KLHL13: variants seen among roughly 807,000 people sequenced by gnomAD.
KLHL13 encodes the protein kelch like family member 13, also known as kelch-like protein 13.
KLHL13 carries 10 observed loss-of-function variants against 37.1 expected under a neutral mutation model. That is an observed-to-expected ratio of 0.27 (90% CI 0.17 to 0.46). The LOEUF is 0.46. KLHL13 is among the 20% of genes least tolerant of loss of function. The probability of loss-of-function intolerance (pLI) is 1.00; values close to 1 mark genes in which losing one functional copy is unlikely to be tolerated. For synonymous variants in KLHL13, 163 were observed against 181.2 expected (o/e 0.90, Z 0.81); for missense variants, 360 against 509.3 (o/e 0.71, Z 2.82).
intron 5 of KLHL13, among the ~76,000 whole-genome samples, chrX:117,906,322 C>G (rs915043587): frequency 1.8e-5 from 2 of 111,558 alleles, no homozygotes; most frequent in East Asian, 5.6e-4. Flanking sequence ...GAAATGCCAA[C>G]TAACACAAAT....
chrX:118,076,063 T>C (rs911051166), intron 1 of KLHL13, among the ~76,000 whole-genome samples: 2 of 111,819 alleles, frequency 1.8e-5, no homozygotes, highest in Admixed American at 9.5e-5. Context: ...TTATGTTTAT[T>C]TGAGCACTAG....
intron 1 of KLHL13, among the ~76,000 whole-genome samples, chrX:118,076,099 T>C (rs1445323685): frequency 8.9e-6 from 1 of 111,855 alleles, no homozygotes; most frequent in Non-Finnish European, 1.9e-5. Context: ...TGATTATTAA[T>C]ATTTATAATT....
intron 1 of KLHL13, among the ~76,000 whole-genome samples, chrX:118,081,181 C>T (rs771239675): frequency 3.6e-5 from 4 of 111,190 alleles, no homozygotes; most frequent in African/African-American, 1.3e-4. Flanking sequence ...TACCTGAGTG[C>T]GATATACCCA....
At position 117,951,682 on chromosome X, in the gene KLHL13, CAT is replaced by C. The variant is rs200257694; in HGVS notation, c.99-6109_99-6108del. Among the ~76,000 whole-genome samples the C allele has an allele frequency of 7.1e-3, 798 of 112,099 alleles. 1 individual carries two copies. Among genetic ancestry groups the C allele is most frequent in the Non-Finnish European group, 0.012 (617 of 53,156 alleles). ...AGCTATTGCACAGGCTTCTTATATG[CAT>C]ATGTCTGTCACATTTAAAATAGAAC... On this transcript the variant is annotated intron_variant, in intron 1 of 6. Transcript: ENST00000262820.
chrX:117,998,617 A>G lies in KLHL13; in HGVS notation c.-55-53042T>C, dbSNP rs73637167. On this transcript the variant is annotated intron_variant, in intron 1 of 6. Transcript: ENST00000371882. Reference sequence around the variant, plus strand: ...TTGGAGAGGGCACAGCCACAGCACAATGAAGGGTAGAGAAGCTGCTGTGGT... The same window carrying G: ...TTGGAGAGGGCACAGCCACAGCACAGTGAAGGGTAGAGAAGCTGCTGTGGT... Among the ~76,000 whole-genome samples the G allele has an allele frequency of 5.8e-3, 645 of 111,474 alleles. 7 individuals carry two copies. The highest frequency in any genetic ancestry group is 0.02 in the African/African-American group (622 of 30,722).
At chrX:118,103,360 A>C (rs954968328) in intron 1 of KLHL13, among the ~76,000 whole-genome samples, 10 of 112,049 alleles carry the variant, frequency 8.9e-5, no homozygotes, top group Non-Finnish European at 1.5e-4. Flanking sequence ...CTATGCAAAT[A>C]AAAACTTTAC....
intron 1 of KLHL13, among the ~76,000 whole-genome samples, chrX:118,031,919 C>A (rs1001303942): frequency 4.5e-5 from 5 of 109,920 alleles, no homozygotes; most frequent in African/African-American, 9.9e-5. Context: ...CAAGACATTG[C>A]CTCACTCAGG....
chrX:118,081,535 T>G (rs752024003), intron 1 of KLHL13, among the ~76,000 whole-genome samples: 1 of 112,163 alleles, frequency 8.9e-6, no homozygotes, highest in African/African-American at 3.2e-5. Context: ...TAATGTGCAG[T>G]GTTCAAATCT....
At chrX:117,945,630 A>C in intron 1 of KLHL13, 55 bp from the exon 3 acceptor site, 1 of 1,027,454 alleles carries the variant, frequency 9.7e-7, no homozygotes, top group Non-Finnish European at 1.3e-6. Context: ...TACAATTTAC[A>C]ATGAGATTAT....
intron 1 of KLHL13, among the ~76,000 whole-genome samples, chrX:117,955,035 T>C (rs1253125972): frequency 1.8e-5 from 2 of 112,168 alleles, no homozygotes; most frequent in Non-Finnish European, 3.8e-5. Flanking sequence ...TTTGCTAAGG[T>C]GCATTAAAAT....
At chrX:118,062,198 T>C (rs2054749882) in intron 1 of KLHL13, among the ~76,000 whole-genome samples, 3 of 111,262 alleles carry the variant, frequency 2.7e-5, no homozygotes, top group African/African-American at 6.5e-5. Flanking sequence ...TATCACAATA[T>C]AGGAAATTAC....
intron 1 of KLHL13, among the ~76,000 whole-genome samples, chrX:117,988,950 G>A (rs773025832): frequency 5.4e-5 from 6 of 111,684 alleles, no homozygotes; most frequent in Non-Finnish European, 9.4e-5. Context: ...TAGTTACACT[G>A]AGAATTTGAA....
At chrX:117,999,899 A>G (rs1368156813) in intron 1 of KLHL13, among the ~76,000 whole-genome samples, 1 of 111,390 alleles carries the variant, frequency 9.0e-6, no homozygotes, top group African/African-American at 3.3e-5. Flanking sequence ...TACCAAGTCT[A>G]CTTTCTAGAC....
chrX:117,961,288 T>C (rs1013981990), intron 1 of KLHL13, among the ~76,000 whole-genome samples: 1 of 112,204 alleles, frequency 8.9e-6, no homozygotes, highest in African/African-American at 3.2e-5. Flanking sequence ...TAAACTATTA[T>C]AATTTTCAAG....
chrX:117,946,714 A>G (rs889116147), intron 1 of KLHL13: 3 of 112,212 alleles, frequency 2.7e-5, no homozygotes, highest in Non-Finnish European at 3.8e-5. Context: ...AATTTCCTCA[A>G]TTTTGAATTA....
Position 118,097,350 on chromosome X carries a change from T to C in KLHL13, c.-56+19158A>G, listed in dbSNP as rs780815693. Among the ~76,000 whole-genome samples, 6 of 111,155 alleles carry C rather than the reference T, an allele frequency of 5.4e-5. No individual in the cohort carries two copies. The East Asian group carries it at 1.7e-3, about 31-fold the overall frequency. On this transcript the variant is annotated intron_variant, in intron 1 of 6. Coordinates refer to the KLHL13 transcript ENST00000371882. ...CACAATTGCTTCAAAGAGAATAAAA[T>C]ACCTAGGAATCCAACTTACAAGGGA...
chrX:117,971,696 G>A (rs945145783), intron 1 of KLHL13, among the ~76,000 whole-genome samples: 3 of 110,840 alleles, frequency 2.7e-5, no homozygotes, highest in Non-Finnish European at 3.8e-5. Context: ...GCATCTGAAA[G>A]GGTTTCAAAG....
rs1340750456 is a variant in KLHL13 at position 117,924,636 on chromosome X, T to C, written c.241-4266A>G. 3.6e-5 allele frequency among the ~76,000 whole-genome samples: 4 copies of C among 111,654 alleles called. No homozygotes were observed. The East Asian group carries it at 1.1e-3, about 31-fold the overall frequency. ...TCTAATTAGTTTTTCAGAATGTCCT[T>C]AAAACTGCTTCTGTTGATTTAAACT... On this transcript the variant is annotated intron_variant, in intron 2 of 6. Coordinates refer to ENST00000262820, the Ensembl canonical transcript of KLHL13.
At chrX:117,940,301 A>G (rs897164111) in intron 2 of KLHL13, among the ~76,000 whole-genome samples, 7 of 111,252 alleles carry the variant, frequency 6.3e-5, no homozygotes, top group Non-Finnish European at 7.5e-5. Flanking sequence ...ATTTGTCTAT[A>G]TATCTGTTTT....
Sources: gnomAD v4.1 joint callset for allele counts (sites outside exome capture counted in the v4.1 genomes callset) on GRCh38, gnomAD v4.1.1 for gene constraint, MANE v1.5 for transcripts, NCBI Gene and HGNC (gene_info 2026-07-23, HGNC 2026-07-21) for gene names.